PRCP: variants seen among roughly 807,000 people sequenced by gnomAD.
PRCP encodes prolylcarboxypeptidase.
A neutral mutation model predicts 54.2 loss-of-function variants in PRCP; 46 were observed. The ratio of observed to expected loss-of-function variants is 0.85; its 90% confidence interval spans 0.67 to 1.09. The LOEUF is 1.09. PRCP is among the 50% of genes least tolerant of loss of function. The pLI is 0.00. For synonymous variants in PRCP, 240 were observed against 212.2 expected, an observed-to-expected ratio of 1.13 and a Z score of -1.14; for missense variants, 613 against 596.8, an observed-to-expected ratio of 1.03 and a Z score of -0.28.
At chr11:82,900,753 C>T (rs774280933), upstream of PRCP, 11 of 492,950 alleles carry the variant, frequency 2.2e-5, no homozygotes, top group South Asian at 1.7e-4. Context: ...CGAAGCCCAC[C>T]TGTCCTTCAG....
In PRCP at chr11:82,878,100, C is replaced by A. The variant is rs971696852; in HGVS notation, c.169-17983G>T. On this transcript the variant is annotated intron_variant, in intron 1 of 8. Coordinates refer to ENST00000313010, the MANE Select transcript of PRCP (RefSeq NM_005040.4). ...ATTTGACTGCCCACTGGATTTCGGACTTGCATGGGGCCTGTAACCCCTTTG... is the reference window on the plus strand; with the variant it reads ...ATTTGACTGCCCACTGGATTTCGGAATTGCATGGGGCCTGTAACCCCTTTG... Among the ~76,000 whole-genome samples the A allele has an allele frequency of 4.6e-5, 7 of 152,204 alleles. No individual in the cohort carries two copies. The East Asian group carries it at 1.2e-3, about 25-fold the overall frequency.
chr11:82,886,474 G>T (rs921424000), intron 1 of PRCP, among the ~76,000 whole-genome samples: 5 of 152,048 alleles, frequency 3.3e-5, no homozygotes, highest in African/African-American at 1.2e-4. Context: ...TTTAAAGACA[G>T]GGTCTTGCTT....
intron 2 of PRCP, among the ~76,000 whole-genome samples, chr11:82,854,151 C>G (rs775715890): frequency 6.6e-6 from 1 of 152,106 alleles, no homozygotes; most frequent in Non-Finnish European, 1.5e-5. Flanking sequence ...GAAGTTATAG[C>G]CAGTGCAATC....
chr11:82,853,199 G>A lies in PRCP; in HGVS notation c.389C>T (p.Pro130Leu). 6.2e-7 allele frequency: 1 copy of A among 1,608,296 alleles called. No individual in the cohort carries two copies. Among genetic ancestry groups the A allele is most frequent in the Non-Finnish European group, 8.5e-7 (1 of 1,176,424 alleles). Residue 130 changes from proline (P) to leucine (L), a missense_variant, in exon 3 of 9, where the codon CCC becomes CTC. Transcript: ENST00000313010. ...TACCTTGAATGAGTTGTCACCAAAG[G>A]GGAGAGACTCTCCATAGTATCGATG... is the stretch of plus-strand genomic sequence containing the variant. ...AEHRYYGESL[P>L]FGDNSFKDSR... is the part of the protein sequence containing the mutation.
chr11:82,828,554 C>A (rs1565215263), intron 8 of PRCP: 1 of 152,122 alleles, frequency 6.6e-6, no homozygotes, highest in East Asian at 1.9e-4. Context: ...TATGTGTGTC[C>A]TGATATTTGT....
chr11:82,827,937 T>C (rs1411310507), intron 8 of PRCP: 1 of 152,254 alleles, frequency 6.6e-6, no homozygotes, highest in Admixed American at 6.5e-5. Context: ...CAATTTTTAA[T>C]GTCTTTGTTT....
intron 1 of PRCP, among the ~76,000 whole-genome samples, chr11:82,876,830 T>G (rs1859614477): frequency 6.6e-6 from 1 of 151,968 alleles, no homozygotes; most frequent in African/African-American, 2.4e-5. Flanking sequence ...ACCAGTAGAG[T>G]GGGGCATTGC....
intron 6 of PRCP, among the ~76,000 whole-genome samples, chr11:82,846,542 T>A (rs965771288): frequency 6.6e-6 from 1 of 152,028 alleles, no homozygotes; most frequent in Non-Finnish European, 1.5e-5. Flanking sequence ...AAGGATAATG[T>A]CAGTAAGAAA....
At chr11:82,884,726 A>G (rs1311011777) in intron 1 of PRCP, 3 of 1,556,836 alleles carry the variant, frequency 1.9e-6, no homozygotes, top group Non-Finnish European at 2.6e-6. Flanking sequence ...GACAGACCTG[A>G]CTTTCAGTGC....
intron 1 of PRCP, among the ~76,000 whole-genome samples, chr11:82,885,588 C>T (rs1859844965): frequency 6.6e-6 from 1 of 152,132 alleles, no homozygotes; most frequent in Admixed American, 6.5e-5. Flanking sequence ...AAAAATAAGA[C>T]CAGTCTCCAG....
rs528276327 is a variant in PRCP, at chr11:82,874,440, C to G, written c.169-14323G>C. On this transcript the variant is annotated intron_variant, in intron 1 of 8. Coordinates refer to ENST00000313010, the MANE Select transcript of PRCP (RefSeq NM_005040.4). ...GTGCGGTGGCTCACACCCGTGATCC[C>G]AGGACTTTGGGAGGCCAAGGCTGGC... Among the ~76,000 whole-genome samples, 3 of 152,236 alleles carry G rather than the reference C, an allele frequency of 2.0e-5. No individual in the cohort carries two copies. The South Asian group carries it at 6.2e-4, about 32-fold the overall frequency.
intron 1 of PRCP, among the ~76,000 whole-genome samples, chr11:82,893,508 C>T (rs1285763444): frequency 2.0e-5 from 3 of 152,178 alleles, no homozygotes; most frequent in African/African-American, 7.2e-5. Flanking sequence ...AGTTCTCTTG[C>T]TCGCCGAGTT....
chr11:82,853,135 A>G (rs1229526722), intron 3 of PRCP, 42 bp downstream of exon 3: 2 of 1,446,676 alleles, frequency 1.4e-6, no homozygotes, highest in Non-Finnish European at 9.5e-7. Flanking sequence ...TTCTAAATTG[A>G]AAAGAAAAAG....
intron 1 of PRCP, among the ~76,000 whole-genome samples, chr11:82,874,508 T>C (rs919351124): frequency 3.3e-5 from 5 of 151,616 alleles, no homozygotes; most frequent in African/African-American, 1.2e-4. Flanking sequence ...CTGGGCAACA[T>C]GGCAAAACCC....
intron 1 of PRCP, among the ~76,000 whole-genome samples, chr11:82,876,582 G>A (rs1233251373): frequency 2.6e-5 from 4 of 152,142 alleles, no homozygotes; most frequent in African/African-American, 9.7e-5. Flanking sequence ...TCTTGTGCAA[G>A]TCTCGTGATA....
At chr11:82,832,477 A>C (rs1244101230) in intron 8 of PRCP, among the ~76,000 whole-genome samples, 2 of 151,936 alleles carry the variant, frequency 1.3e-5, no homozygotes. Flanking sequence ...TTTTTTCATA[A>C]GTTTGTTGGC....
intron 1 of PRCP, among the ~76,000 whole-genome samples, chr11:82,880,342 G>T (rs536403522): frequency 1.1e-4 from 16 of 152,240 alleles, no homozygotes; most frequent in Non-Finnish European, 1.9e-4. Context: ...CTCTGAGCCA[G>T]GCACAGGATA....
rs182681487 is a variant in PRCP, at chr11:82,844,272, C to T, written c.921+4777G>A. Among the ~76,000 whole-genome samples the T allele has an allele frequency of 9.9e-4, 150 of 152,124 alleles. 1 individual carries two copies. Among genetic ancestry groups the T allele is most frequent in the African/African-American group, 3.4e-3 (142 of 41,504 alleles). ...CCAAAACCACACAGCAAGGAAGTGG[C>T]AGAACTGGGATTCAAATACAGACTC... On this transcript the variant is annotated intron_variant, in intron 6 of 8. Transcript: ENST00000313010.
At chr11:82,878,055 G>A (rs1163467461) in intron 1 of PRCP, among the ~76,000 whole-genome samples, 2 of 152,194 alleles carry the variant, frequency 1.3e-5, no homozygotes, top group Non-Finnish European at 2.9e-5. Context: ...AGTCAAAGGA[G>A]ATCATTCTGG....
Sources: allele counts gnomAD v4.1 joint callset (sites outside exome capture counted in the v4.1 genomes callset), GRCh38; gene constraint gnomAD v4.1.1; transcripts MANE v1.5; gene names NCBI Gene and HGNC (gene_info 2026-07-23, HGNC 2026-07-21).